Variants in KLHL1 observed in about 807,000 individuals in gnomAD.
KLHL1 encodes kelch-like protein 1.
A neutral mutation model predicts 77.7 loss-of-function variants in KLHL1; 47 were observed. That is an observed-to-expected ratio of 0.60 (90% CI 0.48 to 0.77). The LOEUF is 0.77. KLHL1 is among the 30% of genes least tolerant of loss of function. The pLI, the probability that KLHL1 is intolerant of heterozygous loss-of-function variation, is 0.00. For missense variants in KLHL1, 925 were observed against 910.8 expected, an observed-to-expected ratio of 1.02 and a Z score of -0.20; for synonymous variants, 360 against 325.2, an observed-to-expected ratio of 1.11 and a Z score of -1.15.
Position 69,755,340 on chromosome 13 carries a change from G to T in KLHL1, c.1640-14784C>A, listed in dbSNP as rs909569971. ...AGAGCTTCCTGAGGCTTCACTAAAA[G>T]GTTTGTGGATGCCAGCATCATGCTT... is the stretch of plus-strand genomic sequence containing the variant. On this transcript the variant is annotated intron_variant, in intron 7 of 10. Transcript: ENST00000377844. 5.3e-5 allele frequency among the ~76,000 whole-genome samples: 8 copies of T among 151,856 alleles called. 1 individual carries two copies. Among genetic ancestry groups the T allele is most frequent in the African/African-American group, 7.2e-5 (3 of 41,392 alleles).
chr13:69,885,558 C>T (rs1259653108), intron 4 of KLHL1, among the ~76,000 whole-genome samples: 1 of 152,018 alleles, frequency 6.6e-6, no homozygotes, highest in African/African-American at 2.4e-5. Flanking sequence ...GTTGTTTTAA[C>T]ATCATTATGT....
intron 8 of KLHL1, among the ~76,000 whole-genome samples, 161 bp from the exon 9 acceptor site, chr13:69,719,742 T>C (rs993333267): frequency 3.9e-5 from 6 of 151,952 alleles, no homozygotes; most frequent in Non-Finnish European, 5.9e-5. Context: ...TAAATGATCA[T>C]ATATACTAGA....
rs370931197 is a variant in KLHL1 at position 69,940,198 on chromosome 13, G to A, written c.856C>T (p.Leu286Phe). 6.2e-6 allele frequency: 10 copies of A among 1,612,152 alleles called. No individual in the cohort carries two copies. In the Admixed American group the frequency reaches 6.7e-5, roughly 11 times the overall value. ...AGCTGAAGAAGGCACGCTGCAGCAA[G>A]AAGGTTCTCAATGGTGTCCTCTTTT... The part of the protein sequence containing the change: ...ELKEDTIENL[L>F]AAACLLQLPQ... The change falls in exon 4 of 11, where the codon CTT becomes TTT. Residue 286 changes from leucine to phenylalanine, a missense_variant. By Grantham distance (22) the Leu-to-Phe change is conservative. Coordinates refer to ENST00000377844, the MANE Select transcript of KLHL1 (RefSeq NM_020866.3).
At position 69,717,601 on chromosome 13, in the gene KLHL1, G is replaced by A. The variant is rs780852797; in HGVS notation, c.2015+1768C>T. ...CAACATTTCAATACATTATAAAGTC[G>A]AGTTGGATGAGAATATTTGGATGAA... On this transcript the variant is annotated intron_variant, in intron 9 of 10. Transcript: ENST00000377844. 7.9e-5 allele frequency among the ~76,000 whole-genome samples: 12 copies of A among 152,094 alleles called. 1 individual carries two copies. The highest frequency in any genetic ancestry group is 2.1e-4 in the South Asian group (1 of 4,818).
At chr13:69,784,661 A>G (rs1292286901) in intron 7 of KLHL1, among the ~76,000 whole-genome samples, 1 of 151,646 alleles carries the variant, frequency 6.6e-6, no homozygotes, top group East Asian at 1.9e-4. Flanking sequence ...TGCACCCAAT[A>G]CAGGAGCACC....
At chr13:69,855,867 A>ATATTATATATGTTATATAATATATATG (rs1566330845) in intron 5 of KLHL1, among the ~76,000 whole-genome samples, 49 of 138,870 alleles carry the variant, frequency 3.5e-4, no homozygotes, top group African/African-American at 1.2e-3. Context: ...ATAATATATT[A>ATATTATATATGTTATATAATATATATG]TATATTATAT....
intron 1 of KLHL1, among the ~76,000 whole-genome samples, chr13:70,055,662 A>C (rs1886727015): frequency 6.6e-6 from 1 of 152,128 alleles, no homozygotes; most frequent in Admixed American, 6.5e-5. Flanking sequence ...AAATTTAAAA[A>C]GTGGCGAGTA....
chr13:70,010,473 A>T (rs892416011), intron 1 of KLHL1, among the ~76,000 whole-genome samples: 5 of 152,210 alleles, frequency 3.3e-5, no homozygotes, highest in Non-Finnish European at 7.3e-5. Flanking sequence ...AGACAAACTC[A>T]AAATTATTCA....
chr13:69,853,592 A>C (rs751779842), intron 5 of KLHL1, among the ~76,000 whole-genome samples: 2 of 152,032 alleles, frequency 1.3e-5, no homozygotes, highest in Non-Finnish European at 2.9e-5. Flanking sequence ...CATTGCAAGC[A>C]GCTACTTTCA....
intron 4 of KLHL1, among the ~76,000 whole-genome samples, chr13:69,932,331 T>G (rs1883028850): frequency 1.3e-5 from 2 of 151,672 alleles, no homozygotes; most frequent in African/African-American, 4.8e-5. Context: ...AAAAAGCAAA[T>G]TATTGATTTT....
chr13:70,011,285 T>C (rs2137338386), intron 1 of KLHL1, among the ~76,000 whole-genome samples: 1 of 152,320 alleles, frequency 6.6e-6, no homozygotes, highest in East Asian at 1.9e-4. Context: ...ATCCATTAAT[T>C]CAAGGAAAGA....
chr13:69,944,121 T>C (rs1227786060), intron 3 of KLHL1, among the ~76,000 whole-genome samples: 1 of 152,190 alleles, frequency 6.6e-6, no homozygotes, highest in East Asian at 1.9e-4. Flanking sequence ...CATTAACTGA[T>C]AAAATCGACT....
intron 3 of KLHL1, among the ~76,000 whole-genome samples, chr13:69,950,997 A>G (rs1046345220): frequency 6.6e-6 from 1 of 151,588 alleles, no homozygotes; most frequent in Non-Finnish European, 1.5e-5. Flanking sequence ...CTCAAATGAA[A>G]TATTTGTCTC....
intron 5 of KLHL1, among the ~76,000 whole-genome samples, chr13:69,866,853 C>G (rs1403679223): frequency 6.6e-6 from 1 of 151,990 alleles, no homozygotes; most frequent in African/African-American, 2.4e-5. Context: ...TTCAGAACAC[C>G]ACATGTTTTG....
intron 7 of KLHL1, among the ~76,000 whole-genome samples, chr13:69,780,899 C>A (rs76350816): frequency 0.012 from 1,809 of 151,674 alleles, 24 homozygotes; most frequent in African/African-American, 0.04. Flanking sequence ...GTTTCCCTGA[C>A]ACATGAGCAT....
intron 6 of KLHL1, among the ~76,000 whole-genome samples, chr13:69,836,021 CT>C (rs1333920898): frequency 6.6e-6 from 1 of 152,014 alleles, no homozygotes; most frequent in African/African-American, 2.4e-5. Context: ...CAAAATTTAG[CT>C]GTTTTAAGAC....
chr13:70,090,927 T>C (rs979929504), intron 1 of KLHL1, among the ~76,000 whole-genome samples: 1 of 152,180 alleles, frequency 6.6e-6, no homozygotes, highest in Non-Finnish European at 1.5e-5. Flanking sequence ...TTTGGTGTTA[T>C]GTGTAATCAC....
chr13:69,911,010 G>C (rs1192452554), intron 4 of KLHL1, among the ~76,000 whole-genome samples: 1 of 152,074 alleles, frequency 6.6e-6, no homozygotes, highest in Non-Finnish European at 1.5e-5. Flanking sequence ...CAAATACTTT[G>C]AGAGTAAAAT....
intron 2 of KLHL1, among the ~76,000 whole-genome samples, chr13:69,962,607 C>T (rs558753496): frequency 6.6e-6 from 1 of 152,018 alleles, no homozygotes; most frequent in Admixed American, 6.6e-5. Context: ...AGATAAACCT[C>T]TTTAATTTCT....
Sources: allele counts gnomAD v4.1 joint callset (sites outside exome capture counted in the v4.1 genomes callset), GRCh38; gene constraint gnomAD v4.1.1; transcripts MANE v1.5; gene names NCBI Gene and HGNC (gene_info 2026-07-23, HGNC 2026-07-21).